The following THSD7B variants were observed in gnomAD, a reference collection of about 807,000 sequenced individuals.
The protein encoded by THSD7B is thrombospondin type-1 domain-containing protein 7B.
A neutral mutation model predicts 213.6 loss-of-function variants in THSD7B; 138 were observed. That is an observed-to-expected ratio of 0.65 (90% CI 0.56 to 0.74). The LOEUF is 0.74. Among genes scored for constraint, THSD7B ranks in the 30% least tolerant of loss-of-function variants. The pLI is 0.00. For synonymous variants in THSD7B, 742 were observed against 687.0 expected, an observed-to-expected ratio of 1.08 and a Z score of -1.25; for missense variants, 1,931 against 1,991.5, an observed-to-expected ratio of 0.97 and a Z score of 0.58.
intron 12 of THSD7B, among the ~76,000 whole-genome samples, chr2:137,314,494 T>C (rs1684028700): frequency 6.6e-6 from 1 of 152,246 alleles, no homozygotes; most frequent in Admixed American, 6.5e-5. Context: ...TCTGAAGCCT[T>C]CTTCTCTCAC....
intron 7 of THSD7B, among the ~76,000 whole-genome samples, chr2:137,204,845 G>C (rs1174296172): frequency 6.6e-6 from 1 of 151,946 alleles, no homozygotes; most frequent in Non-Finnish European, 1.5e-5. Context: ...TTTATTGAAA[G>C]GAAAAAAAGT....
At chr2:137,188,392 C>T (rs1680592643) in intron 7 of THSD7B, among the ~76,000 whole-genome samples, 1 of 152,092 alleles carries the variant, frequency 6.6e-6, no homozygotes, top group Non-Finnish European at 1.5e-5. Context: ...GTCTTCTAAC[C>T]CATTCATTTA....
chr2:137,495,779 G>A lies in THSD7B; in HGVS notation c.3138+44756G>A, dbSNP rs2105128446. Among the ~76,000 whole-genome samples, 2 of 152,066 alleles carry A rather than the reference G, an allele frequency of 1.3e-5. 1 individual carries two copies. The highest frequency in any genetic ancestry group is 3.9e-4 in the East Asian group (2 of 5,186). ...ATTATTTTCAAAACAAGGTAGTTCTGCTCCAATAGAGCTTTGATATTTGTA... is the reference window on the plus strand; with the variant it reads ...ATTATTTTCAAAACAAGGTAGTTCTACTCCAATAGAGCTTTGATATTTGTA... On this transcript the variant is annotated intron_variant, in intron 15 of 27. Coordinates refer to ENST00000409968, the MANE Select transcript of THSD7B (RefSeq NM_001316349.2).
intron 7 of THSD7B, among the ~76,000 whole-genome samples, chr2:137,185,529 A>G (rs1397360755): frequency 6.6e-6 from 1 of 152,164 alleles, no homozygotes; most frequent in Middle Eastern, 3.2e-3. Context: ...TTCACTTAGG[A>G]TAATGGTCTC....
chr2:137,404,148 A>C (rs1686440378), intron 12 of THSD7B, among the ~76,000 whole-genome samples: 1 of 151,978 alleles, frequency 6.6e-6, no homozygotes. Context: ...GTGTTACCTC[A>C]CGATTATTAT....
At chr2:137,366,262 G>C (rs929426212) in intron 12 of THSD7B, among the ~76,000 whole-genome samples, 15 of 152,010 alleles carry the variant, frequency 9.9e-5, no homozygotes, top group Non-Finnish European at 1.5e-4. Flanking sequence ...GATGAGGATG[G>C]GATAGCATTG....
intron 12 of THSD7B, among the ~76,000 whole-genome samples, chr2:137,351,241 A>C (rs760582435): frequency 2.6e-5 from 4 of 151,954 alleles, no homozygotes; most frequent in Admixed American, 6.6e-5. Context: ...TAATAATATA[A>C]GCTTAATATA....
chr2:137,243,721 CAG>C (rs1157794152), intron 10 of THSD7B, among the ~76,000 whole-genome samples: 1 of 152,190 alleles, frequency 6.6e-6, no homozygotes, highest in Non-Finnish European at 1.5e-5. Context: ...AAACACCTCT[CAG>C]TGATTGAAAA....
intron 2 of THSD7B, among the ~76,000 whole-genome samples, chr2:136,973,155 A>G (rs186366127): frequency 6.6e-6 from 1 of 152,258 alleles, no homozygotes; most frequent in East Asian, 1.9e-4. Flanking sequence ...TGACTGGTGA[A>G]TATTTTTCTT....
intron 1 of THSD7B, among the ~76,000 whole-genome samples, chr2:136,817,188 G>A (rs1262334099): frequency 1.2e-4 from 18 of 152,184 alleles, no homozygotes; most frequent in Non-Finnish European, 4.4e-5. Context: ...CCCTTTAAGA[G>A]TAGAACTTAC....
chr2:136,893,838 G>A (rs1051615255), intron 2 of THSD7B, among the ~76,000 whole-genome samples: 8 of 152,166 alleles, frequency 5.3e-5, no homozygotes, highest in African/African-American at 1.9e-4. Context: ...AATAAAAGGT[G>A]TACATTTAAC....
intron 5 of THSD7B, among the ~76,000 whole-genome samples, chr2:137,155,010 TA>T (rs1238432899): frequency 6.6e-6 from 1 of 152,242 alleles, no homozygotes; most frequent in African/African-American, 2.4e-5. Flanking sequence ...GTCAGTTTAA[TA>T]ATTTCATATT....
chr2:137,104,769 A>G (rs1289298724), intron 4 of THSD7B, among the ~76,000 whole-genome samples: 1 of 152,222 alleles, frequency 6.6e-6, no homozygotes, highest in Non-Finnish European at 1.5e-5. Context: ...ACCAGAGAAT[A>G]CTATGAACAT....
At chr2:137,383,025 C>T (rs940323327) in intron 12 of THSD7B, among the ~76,000 whole-genome samples, 3 of 152,276 alleles carry the variant, frequency 2.0e-5, no homozygotes, top group African/African-American at 4.8e-5. Flanking sequence ...ACCAAGGAAG[C>T]GACACCTATG....
intron 27 of THSD7B, among the ~76,000 whole-genome samples, chr2:137,674,859 T>C (rs1683661600): frequency 1.3e-5 from 2 of 152,172 alleles, no homozygotes; most frequent in South Asian, 4.1e-4. Flanking sequence ...CAGTTCCTTT[T>C]AGGGTTTCTG....
At chr2:137,368,009 C>A (rs1685460176) in intron 12 of THSD7B, among the ~76,000 whole-genome samples, 1 of 150,332 alleles carries the variant, frequency 6.7e-6, no homozygotes, top group Admixed American at 6.7e-5. Context: ...TTCAGTCTGT[C>A]TTTCTGAAAA....
chr2:136,870,732 G>A (rs568898874), intron 1 of THSD7B, among the ~76,000 whole-genome samples: 1 of 152,300 alleles, frequency 6.6e-6, no homozygotes, highest in East Asian at 1.9e-4. Context: ...AGTGTGTCTG[G>A]GGCACAGGAG....
intron 1 of THSD7B, among the ~76,000 whole-genome samples, chr2:136,819,743 T>C (rs1210654457): frequency 2.6e-5 from 4 of 152,116 alleles, no homozygotes; most frequent in East Asian, 1.9e-4. Flanking sequence ...CAAAATTATA[T>C]TGGCCAATGC....
At chr2:136,815,856 A>G (rs1350914588) in intron 1 of THSD7B, among the ~76,000 whole-genome samples, 1 of 152,060 alleles carries the variant, frequency 6.6e-6, no homozygotes, top group Non-Finnish European at 1.5e-5. Flanking sequence ...CTTGGGAGAG[A>G]GCATCAGGCG....
Sources: gnomAD v4.1 joint callset for allele counts (sites outside exome capture counted in the v4.1 genomes callset) on GRCh38, gnomAD v4.1.1 for gene constraint, MANE v1.5 for transcripts, NCBI Gene and HGNC (gene_info 2026-07-23, HGNC 2026-07-21) for gene names.